Variants in ANAPC1 observed in about 807,000 individuals in gnomAD.
The protein encoded by ANAPC1 is anaphase promoting complex subunit 1, also known as anaphase-promoting complex subunit 1.
Under a neutral mutation model 208.0 loss-of-function variants are expected in ANAPC1, and 36 were observed. The ratio of observed to expected loss-of-function variants is 0.17; its 90% CI spans 0.13 to 0.23. The LOEUF is 0.23. Ranked by LOEUF, ANAPC1 falls within the 10% of genes least tolerant of loss-of-function variation. The probability of loss-of-function intolerance (pLI) is 1.00; values close to 1 mark genes in which losing one functional copy is unlikely to be tolerated. For synonymous variants in ANAPC1, 378 were observed against 695.2 expected, an observed-to-expected ratio of 0.54 and a Z score of 7.18; for missense variants, 942 against 2,011.6, an observed-to-expected ratio of 0.47 and a Z score of 10.17.
At chr2:111,878,309 G>A (rs184524783) in intron 3 of ANAPC1, among the ~76,000 whole-genome samples, 9 of 152,302 alleles carry the variant, frequency 5.9e-5, no homozygotes, top group Non-Finnish European at 1.2e-4. Context: ...GAGATGAACT[G>A]CATGTCTTCC....
rs2104446796 is a variant in ANAPC1, at chr2:111,768,341, G to C, written c.*950C>G. On this transcript the variant is annotated 3_prime_UTR_variant, in exon 48 of 48. Coordinates refer to ENST00000341068, the MANE Select transcript of ANAPC1 (RefSeq NM_022662.4). ...TACAATTTCTAAAGAGCCCTCTGTA[G>C]TAATTTCTTATTTTATCTATTTAGA... 1 of 152,178 alleles carries C rather than the reference G, an allele frequency of 6.6e-6. No homozygotes were observed. The highest frequency in any genetic ancestry group is 1.9e-4 in the East Asian group (1 of 5,172). The allele number at this position is 152,178 out of a possible 1,614,324, so 9.4% of individuals were successfully genotyped here.
intron 42 of ANAPC1, 86 bp downstream of exon 42, chr2:111,783,811 T>C (rs996043202): frequency 1.6e-6 from 1 of 608,698 alleles, no homozygotes; most frequent in African/African-American, 1.9e-5. Context: ...TGAGTCACAT[T>C]CCAGATAATA....
intron 17 of ANAPC1, among the ~76,000 whole-genome samples, 154 bp downstream of exon 17, chr2:111,843,258 T>C (rs907219569): frequency 1.3e-5 from 2 of 152,252 alleles, no homozygotes; most frequent in Non-Finnish European, 2.9e-5. Flanking sequence ...TTAAGTGAGA[T>C]TTTATTTACA....
intron 46 of ANAPC1, among the ~76,000 whole-genome samples, chr2:111,776,122 T>C (rs1381966369): frequency 6.7e-6 from 1 of 149,936 alleles, no homozygotes; most frequent in East Asian, 2.0e-4. Flanking sequence ...AAGAATTGTT[T>C]CTACTACTAT....
intron 16 of ANAPC1, among the ~76,000 whole-genome samples, chr2:111,845,554 C>T (rs1681006746): frequency 6.6e-6 from 1 of 152,074 alleles, no homozygotes; most frequent in African/African-American, 2.4e-5. Context: ...AACTATGGGG[C>T]TTCTGTTTGG....
chr2:111,831,813 C>T (rs1680149953), intron 20 of ANAPC1, among the ~76,000 whole-genome samples: 1 of 103,262 alleles, frequency 9.7e-6, no homozygotes, highest in Non-Finnish European at 1.8e-5. Flanking sequence ...AGAGACAGAG[C>T]GAGACTCTGT....
intron 17 of ANAPC1, among the ~76,000 whole-genome samples, chr2:111,841,742 A>T (rs1439456140): frequency 2.0e-5 from 3 of 152,224 alleles, no homozygotes; most frequent in Non-Finnish European, 4.4e-5. Context: ...ACGTTATCAA[A>T]CAGGATTACT....
At chr2:111,862,208 ATCACTTTAAT>A (rs1363042091) in intron 10 of ANAPC1, among the ~76,000 whole-genome samples, 171 bp downstream of exon 10, 1 of 152,168 alleles carries the variant, frequency 6.6e-6, no homozygotes. Flanking sequence ...CCAGCCTATG[ATCACTTTAAT>A]ATCATTAATA....
At chr2:111,806,817 G>GTAC (rs1347278110) in intron 29 of ANAPC1, among the ~76,000 whole-genome samples, 1 of 151,790 alleles carries the variant, frequency 6.6e-6, no homozygotes, top group African/African-American at 2.4e-5. Flanking sequence ...ACGATAAAAT[G>GTAC]TACTATGTAT....
At position 111,873,339 on chromosome 2, in the gene ANAPC1, C is replaced by A. The variant is rs1338176500; in HGVS notation, c.497G>T (p.Gly166Val). ...TGGTAATGAAGCTATGTAATCCTTT[C>A]CTTCTATGCTATGCATGTTAATACA... ...SSCINMHSIE[G>V]KDYIASLPFQ... Residue 166 changes from glycine to valine, a missense_variant, in exon 5 of 48, where the codon GGA becomes GTA. Coordinates refer to ENST00000341068, the MANE Select transcript of ANAPC1 (RefSeq NM_022662.4). 4 of 1,607,784 alleles carry A rather than the reference C, an allele frequency of 2.5e-6. No homozygotes were observed. Among genetic ancestry groups the A allele is most frequent in the Non-Finnish European group, 2.5e-6 (3 of 1,177,474 alleles).
At chr2:111,863,043 C>T (rs1483441855) in intron 9 of ANAPC1, among the ~76,000 whole-genome samples, 1 of 151,236 alleles carries the variant, frequency 6.6e-6, no homozygotes, top group Non-Finnish European at 1.5e-5. Flanking sequence ...GAAAAACTAA[C>T]ATAAATTAAG....
intron 13 of ANAPC1, among the ~76,000 whole-genome samples, chr2:111,854,898 C>A (rs1391713120): frequency 6.6e-6 from 1 of 152,160 alleles, no homozygotes; most frequent in African/African-American, 2.4e-5. Flanking sequence ...TGAAATAGCA[C>A]TTTTAATTTC....
intron 10 of ANAPC1, among the ~76,000 whole-genome samples, chr2:111,858,851 C>T (rs1681891862): frequency 6.6e-6 from 1 of 150,678 alleles, no homozygotes; most frequent in Admixed American, 6.6e-5. Flanking sequence ...CTCAAAGACA[C>T]AAACATTTCT....
intron 8 of ANAPC1, among the ~76,000 whole-genome samples, chr2:111,864,351 GATGATGATGATGATGATGATGATA>G: frequency 7.7e-6 from 1 of 129,174 alleles, no homozygotes; most frequent in African/African-American, 3.0e-5. Context: ...TGATGATGAT[GATGATGATGATGATGATGATGATA>G]ATAAAACTAT....
At chr2:111,834,207 CTTGT>C (rs2104467948) in intron 19 of ANAPC1, among the ~76,000 whole-genome samples, 1 of 152,254 alleles carries the variant, frequency 6.6e-6, no homozygotes, top group East Asian at 1.9e-4. Flanking sequence ...GGAAACTTAC[CTTGT>C]TTGAGACTTT....
At chr2:111,799,276 C>T (rs1678323935) in intron 34 of ANAPC1, among the ~76,000 whole-genome samples, 1 of 151,712 alleles carries the variant, frequency 6.6e-6, no homozygotes, top group Non-Finnish European at 1.5e-5. Flanking sequence ...ATCAGCAGCA[C>T]TAAAACTTAA....
chr2:111,861,837 C>CA (rs1343168994), intron 10 of ANAPC1, among the ~76,000 whole-genome samples: 2 of 119,252 alleles, frequency 1.7e-5, no homozygotes, highest in Non-Finnish European at 3.6e-5. Context: ...CTCCCCAGAA[C>CA]AAAAAACACC....
intron 24 of ANAPC1, 134 bp downstream of exon 24, chr2:111,824,832 T>C (rs936739452): frequency 2.1e-6 from 2 of 935,266 alleles, no homozygotes; most frequent in African/African-American, 3.3e-5. Flanking sequence ...AAAAAGAATA[T>C]GGCTTGATGA....
intron 38 of ANAPC1, among the ~76,000 whole-genome samples, chr2:111,789,751 T>A (rs568854251): frequency 6.6e-6 from 1 of 152,234 alleles, no homozygotes; most frequent in East Asian, 1.9e-4. Flanking sequence ...TATATGACCA[T>A]TTAAAAACCA....
Sources: gnomAD v4.1 joint callset for allele counts (sites outside exome capture counted in the v4.1 genomes callset) on GRCh38, gnomAD v4.1.1 for gene constraint, MANE v1.5 for transcripts, NCBI Gene and HGNC (gene_info 2026-07-23, HGNC 2026-07-21) for gene names.